Variants in C2orf92 observed in about 807,000 individuals in gnomAD.
C2orf92 encodes uncharacterized protein C2orf92.
intron 3 of C2orf92, among the ~76,000 whole-genome samples, chr2:97,683,113 C>CACACACACAA (rs1559300834): frequency 6.6e-6 from 1 of 151,366 alleles, no homozygotes; most frequent in African/African-American, 2.4e-5. Context: ...CACACACACA[C>CACACACACAA]AAACATATTA....
At chr2:97,675,803 C>T (rs989601317) in intron 2 of C2orf92, 42 bp from the exon 3 acceptor site, 1 of 399,056 alleles carries the variant, frequency 2.5e-6, no homozygotes. Flanking sequence ...GCTGCAGACC[C>T]AATGAAAGAC....
In C2orf92 at chr2:97,702,682, A is replaced by G. The variant is rs1676533229; in HGVS notation, c.679A>G (p.Asn227Asp). The G allele has an allele frequency of 7.5e-6, 3 of 398,918 alleles. No homozygotes were observed. Among genetic ancestry groups the G allele is most frequent in the African/African-American group, 2.1e-5 (1 of 48,628 alleles). The allele number at this position is 398,918 out of a possible 1,614,324, so 24.7% of individuals were successfully genotyped here. The change falls in exon 8 of 8, where the codon AAC becomes GAC. Residue 227 changes from asparagine to aspartate, a missense_variant. By Grantham distance (23) the Asn-to-Asp change is conservative (BLOSUM62 1). Transcript: ENST00000627399. ...RKKQPSSPLA[N>D]TTYNIFIMDG... ...ATTTTGTTTTAGATCTCCTCTGGCA[A>G]ACACGACATATAATATTTTTATAAT... is the stretch of plus-strand genomic sequence containing the variant.
At chr2:97,696,627 T>C (rs764362812) in intron 5 of C2orf92, among the ~76,000 whole-genome samples, 10 of 152,090 alleles carry the variant, frequency 6.6e-5, no homozygotes, top group Non-Finnish European at 1.2e-4. Flanking sequence ...TCCCAGCTAC[T>C]TGGGAGGCTG....
intron 1 of C2orf92, chr2:97,671,619 T>C (rs1279288062): frequency 1.5e-5 from 6 of 397,166 alleles, no homozygotes; most frequent in African/African-American, 2.1e-5. Flanking sequence ...GTGCTCTTCC[T>C]TGAGGCTAGA....
chr2:97,680,127 C>T (rs911147105), intron 3 of C2orf92, among the ~76,000 whole-genome samples: 5 of 152,028 alleles, frequency 3.3e-5, no homozygotes, highest in Non-Finnish European at 7.4e-5. Context: ...TGGTGAAACC[C>T]CGTCTTTACT....
chr2:97,692,007 G>C (rs202166864), intron 5 of C2orf92, among the ~76,000 whole-genome samples: 9 of 152,130 alleles, frequency 5.9e-5, no homozygotes, highest in African/African-American at 2.2e-4. Flanking sequence ...TTGCATGTTT[G>C]TTTTTCCATG....
intron 5 of C2orf92, among the ~76,000 whole-genome samples, chr2:97,691,586 A>G (rs1676138454): frequency 6.6e-6 from 1 of 152,202 alleles, no homozygotes; most frequent in African/African-American, 2.4e-5. Context: ...AACCAGGCCA[A>G]ATAGGTCACT....
intron 3 of C2orf92, among the ~76,000 whole-genome samples, chr2:97,683,370 T>C (rs1279290182): frequency 1.3e-5 from 2 of 151,822 alleles, no homozygotes; most frequent in Admixed American, 1.3e-4. Flanking sequence ...AAACAAAGAA[T>C]CTCATGTTCA....
At chr2:97,664,072 G>A (rs1675118012), upstream of C2orf92, 1 of 296,988 alleles carries the variant, frequency 3.4e-6, no homozygotes. Flanking sequence ...GCCAATCATC[G>A]CTCCCACCTG....
chr2:97,670,522 GATATAAT>G (rs1189702122), intron 1 of C2orf92: 1 of 151,792 alleles, frequency 6.6e-6, no homozygotes, highest in Non-Finnish European at 1.5e-5. Context: ...AACTTTATAG[GATATAAT>G]ATATAATAAA....
intron 1 of C2orf92, among the ~76,000 whole-genome samples, chr2:97,672,689 C>T (rs889488665): frequency 3.9e-5 from 6 of 151,904 alleles, no homozygotes; most frequent in African/African-American, 1.2e-4. Context: ...CTGGAGGCCA[C>T]GGCTCAACTC....
chr2:97,665,719 CTCTCTCTCTCTCTCTCTCTATATATA>C (rs1475293343), upstream of C2orf92: 176 of 57,412 alleles, frequency 3.1e-3, no homozygotes, highest in Non-Finnish European at 4.4e-3. Flanking sequence ...CTCTCTCTCT[CTCTCTCTCTCTCTCTCTCTATATATA>C]TATATATATA....
At position 97,669,807 on chromosome 2, in the gene C2orf92, CTCT is replaced by C. The variant is rs1166079241; in HGVS notation, c.24_26del (p.Phe9del). The stretch of plus-strand genomic sequence containing the variant: ...GGCAAAGATGAGCAGAGCCATGGCC[CTCT>C]TCTTTGTTCTCTGCTGGATCCAAGG... On this transcript the variant is annotated inframe_deletion, in exon 1 of 8. Coordinates refer to ENST00000627399, the MANE Select transcript of C2orf92 (RefSeq NM_001351368.2). 11 of 398,534 alleles carry C rather than the reference CTCT, an allele frequency of 2.8e-5. No individual in the cohort carries two copies. The highest frequency in any genetic ancestry group is 4.9e-5 in the Non-Finnish European group (11 of 226,102). 24.7% of individuals were successfully genotyped at this position (398,534 alleles called of 1,614,324 possible).
At chr2:97,684,435 A>G (rs1675887240) in intron 3 of C2orf92, among the ~76,000 whole-genome samples, 1 of 152,204 alleles carries the variant, frequency 6.6e-6, no homozygotes, top group South Asian at 2.1e-4. Context: ...CAGGCAAAAG[A>G]ATGAAGCTAG....
At chr2:97,682,680 A>T (rs1012315404) in intron 3 of C2orf92, among the ~76,000 whole-genome samples, 1 of 152,164 alleles carries the variant, frequency 6.6e-6, no homozygotes, top group Non-Finnish European at 1.5e-5. Flanking sequence ...TCACTGTAAT[A>T]TACCACATTA....
chr2:97,670,042 A>G (rs1306843658), intron 1 of C2orf92: 1 of 388,844 alleles, frequency 2.6e-6, no homozygotes, highest in African/African-American at 2.1e-5. Flanking sequence ...CTTTCTCAAA[A>G]TTCAGAGCTC....
upstream of C2orf92, among the ~76,000 whole-genome samples, chr2:97,667,331 G>T (rs935101921): frequency 6.8e-6 from 1 of 148,048 alleles, no homozygotes; most frequent in Non-Finnish European, 1.5e-5. Flanking sequence ...GGCGCAATCT[G>T]GGCTCACTGC....
chr2:97,688,418 C>G (rs1676032760), intron 3 of C2orf92, among the ~76,000 whole-genome samples: 1 of 152,160 alleles, frequency 6.6e-6, no homozygotes, highest in Non-Finnish European at 1.5e-5. Context: ...AGCCTGAGAA[C>G]TTAAAAGGGA....
chr2:97,696,591 C>G (rs922592419), intron 5 of C2orf92, among the ~76,000 whole-genome samples: 4 of 152,128 alleles, frequency 2.6e-5, no homozygotes, highest in African/African-American at 9.7e-5. Context: ...CAAATATTAG[C>G]TGGGTGTGCT....
Sources: allele counts gnomAD v4.1 joint callset (sites outside exome capture counted in the v4.1 genomes callset), GRCh38; gene constraint gnomAD v4.1.1; transcripts MANE v1.5; gene names NCBI Gene and HGNC (gene_info 2026-07-23, HGNC 2026-07-21).